The following GRM5 variants were observed in gnomAD, a reference collection of about 807,000 sequenced individuals.
GRM5 encodes metabotropic glutamate receptor 5.
A neutral mutation model predicts 83.1 loss-of-function variants in GRM5; 19 were observed. The ratio of observed to expected loss-of-function variants is 0.23; its 90% CI spans 0.16 to 0.34. The LOEUF is 0.34. Among genes scored for constraint, GRM5 ranks in the 10% least tolerant of loss-of-function variants. The pLI is 1.00. For synonymous variants in GRM5, 675 were observed against 633.6 expected, an observed-to-expected ratio of 1.07 and a Z score of -0.98; for missense variants, 1,160 against 1,588.3, an observed-to-expected ratio of 0.73 and a Z score of 4.58.
chr11:88,946,695 A>T (rs1310617394), intron 2 of GRM5, among the ~76,000 whole-genome samples: 1 of 152,044 alleles, frequency 6.6e-6, no homozygotes, highest in Admixed American at 6.6e-5. Flanking sequence ...CAGTTGAAAA[A>T]TTTTCTATGT....
intron 3 of GRM5, among the ~76,000 whole-genome samples, chr11:88,832,379 T>C (rs528971119): frequency 6.6e-6 from 1 of 152,200 alleles, no homozygotes; most frequent in Non-Finnish European, 1.5e-5. Context: ...ACAATGGCTA[T>C]TAAAAAAATC....
intron 4 of GRM5, among the ~76,000 whole-genome samples, chr11:88,650,547 A>G (rs1939603943): frequency 6.6e-6 from 1 of 152,010 alleles, no homozygotes; most frequent in African/African-American, 2.4e-5. Context: ...CCAGGTATTA[A>G]CAAGGGTGTG....
intron 3 of GRM5, among the ~76,000 whole-genome samples, chr11:88,789,329 G>C (rs542991546): frequency 6.6e-6 from 1 of 151,574 alleles, no homozygotes; most frequent in East Asian, 1.9e-4. Flanking sequence ...TGGAGGCCAA[G>C]TTCCATTTAA....
At chr11:88,651,789 C>T (rs543918345) in intron 4 of GRM5, among the ~76,000 whole-genome samples, 1 of 152,110 alleles carries the variant, frequency 6.6e-6, no homozygotes, top group South Asian at 2.1e-4. Flanking sequence ...TCCTCCCTTC[C>T]CCTTCTACCC....
intron 2 of GRM5, among the ~76,000 whole-genome samples, chr11:88,880,925 T>C (rs573133132): frequency 6.6e-6 from 1 of 152,230 alleles, no homozygotes; most frequent in South Asian, 2.1e-4. Context: ...ACCTATCTTA[T>C]AGAATTGTTG....
chr11:88,606,604 G>T (rs1377486686), intron 4 of GRM5, among the ~76,000 whole-genome samples: 1 of 152,210 alleles, frequency 6.6e-6, no homozygotes, highest in Non-Finnish European at 1.5e-5. Context: ...TGAGGCTAGG[G>T]AGGGACATGA....
chr11:88,783,983 T>C (rs1943021634), intron 3 of GRM5, among the ~76,000 whole-genome samples: 1 of 152,042 alleles, frequency 6.6e-6, no homozygotes, highest in African/African-American at 2.4e-5. Context: ...GGAGTACTGA[T>C]GACAGCCTCA....
chr11:88,830,623 G>A (rs2135519187), intron 3 of GRM5, among the ~76,000 whole-genome samples: 1 of 152,052 alleles, frequency 6.6e-6, no homozygotes, highest in Non-Finnish European at 1.5e-5. Context: ...TCCCCACCAC[G>A]GATTCCTGCA....
chr11:88,515,574 T>C (rs1941498427), intron 9 of GRM5, among the ~76,000 whole-genome samples: 1 of 152,188 alleles, frequency 6.6e-6, no homozygotes, highest in Non-Finnish European at 1.5e-5. Context: ...CCGTATCCTA[T>C]AAATGTGTAC....
chr11:88,728,689 C>A (rs1215089584), intron 3 of GRM5, among the ~76,000 whole-genome samples: 3 of 151,902 alleles, frequency 2.0e-5, no homozygotes, highest in African/African-American at 7.2e-5. Context: ...ATCAAGTCGG[C>A]TTCATCCCTG....
At chr11:88,595,152 A>G (rs1000847053) in intron 6 of GRM5, among the ~76,000 whole-genome samples, 1 of 152,106 alleles carries the variant, frequency 6.6e-6, no homozygotes, top group African/African-American at 2.4e-5. Context: ...AATTGTACAT[A>G]TTTATGGGTT....
At chr11:88,526,872 C>T (rs1401415199) in intron 8 of GRM5, among the ~76,000 whole-genome samples, 1 of 151,832 alleles carries the variant, frequency 6.6e-6, no homozygotes, top group African/African-American at 2.4e-5. Context: ...GGACTTTGCA[C>T]TACAGATGTA....
At chr11:88,765,395 GAA>G (rs58232495) in intron 3 of GRM5, among the ~76,000 whole-genome samples, 3,266 of 123,242 alleles carry the variant, frequency 0.027, 101 homozygotes, top group African/African-American at 0.088. Context: ...AAGACAATTT[GAA>G]AAAAAAAAAA....
intron 3 of GRM5, among the ~76,000 whole-genome samples, chr11:88,778,696 T>C (rs1332823346): frequency 6.6e-6 from 1 of 152,238 alleles, no homozygotes; most frequent in Non-Finnish European, 1.5e-5. Flanking sequence ...ATTGGTCTAG[T>C]CTAAGTTGCT....
intron 3 of GRM5, among the ~76,000 whole-genome samples, chr11:88,764,842 G>A (rs1942597265): frequency 6.6e-6 from 1 of 150,808 alleles, no homozygotes; most frequent in African/African-American, 2.4e-5. Flanking sequence ...AAATAATGAA[G>A]ATTAGAGCAC....
intron 4 of GRM5, among the ~76,000 whole-genome samples, chr11:88,617,393 T>C (rs954987946): frequency 1.3e-5 from 2 of 152,148 alleles, no homozygotes; most frequent in African/African-American, 4.8e-5. Context: ...CACTGAATCA[T>C]GCATGAGTTT....
intron 2 of GRM5, among the ~76,000 whole-genome samples, chr11:88,988,600 C>A (rs1170257857): frequency 2.0e-5 from 3 of 150,584 alleles, no homozygotes; most frequent in Non-Finnish European, 4.5e-5. Flanking sequence ...ATGTTAAGGG[C>A]AGCCAGAGAG....
intron 2 of GRM5, among the ~76,000 whole-genome samples, chr11:88,993,475 C>T (rs1165989448): frequency 6.6e-6 from 1 of 152,016 alleles, no homozygotes; most frequent in African/African-American, 2.4e-5. Flanking sequence ...GAACTGAGTA[C>T]CATACTTTCT....
At chr11:88,715,930 G>A (rs962831917) in intron 3 of GRM5, among the ~76,000 whole-genome samples, 3 of 151,902 alleles carry the variant, frequency 2.0e-5, no homozygotes, top group Non-Finnish European at 4.4e-5. Context: ...TTTTTATCAA[G>A]AGCCCCAGAT....
Sources: gnomAD v4.1 joint callset for allele counts (sites outside exome capture counted in the v4.1 genomes callset) on GRCh38, gnomAD v4.1.1 for gene constraint, MANE v1.5 for transcripts, NCBI Gene and HGNC (gene_info 2026-07-23, HGNC 2026-07-21) for gene names.